MTUS1: variants seen among roughly 807,000 people sequenced by gnomAD.
MTUS1 encodes the protein microtubule-associated tumor suppressor 1.
In MTUS1, 109 loss-of-function variants were observed where a neutral mutation model predicts 120.8. The ratio of observed to expected loss-of-function variants is 0.90; its 90% CI spans 0.77 to 1.06. MTUS1 has a LOEUF of 1.06. MTUS1 is among the 50% of genes least tolerant of loss of function. MTUS1 has a pLI of 0.00. For missense variants in MTUS1, 2,210 were observed against 1,486.3 expected, an observed-to-expected ratio of 1.49 and a Z score of -8.01; for synonymous variants, 737 against 550.5, an observed-to-expected ratio of 1.34 and a Z score of -4.74.
At position 17,755,652 on chromosome 8, in the gene MTUS1, A is replaced by C; in HGVS notation, c.156T>G (p.Asp52Glu). ...SSVNWNSANP[D>E]DMVVDYETDP... is the part of the protein sequence containing the mutation. ...CAGTTTCATAATCAACCACCATGTCATCTGGGTTGGCAGAATTCCAGTTCA... is the reference window on the plus strand; with the variant it reads ...CAGTTTCATAATCAACCACCATGTCCTCTGGGTTGGCAGAATTCCAGTTCA... Residue 52 changes from aspartate to glutamate, a missense_variant, in exon 2 of 15, where the codon GAT becomes GAG. Transcript: ENST00000693296. 6.2e-7 allele frequency: 1 copy of C among 1,614,200 alleles called. No homozygotes were observed. The highest frequency in any genetic ancestry group is 1.1e-5 in the South Asian group (1 of 91,076).
chr8:17,671,803 C>T lies in MTUS1; in HGVS notation c.2905+3383G>A, dbSNP rs931328208. Reference sequence around the variant, plus strand: ...GGGAGAGTGACACCAACTCCCATCGCCCCACCCCCATTATTTTGGAGGGAA... The same window carrying T: ...GGGAGAGTGACACCAACTCCCATCGTCCCACCCCCATTATTTTGGAGGGAA... On this transcript the variant is annotated intron_variant, in intron 8 of 14. Coordinates refer to ENST00000693296, the MANE Select transcript of MTUS1 (RefSeq NM_001363059.2). Among the ~76,000 whole-genome samples the T allele has an allele frequency of 2.6e-5, 4 of 152,070 alleles. No individual in the cohort carries two copies. In the South Asian group the frequency reaches 8.3e-4, roughly 32 times the overall value.
At chr8:17,692,988 G>C (rs1316874856) in intron 6 of MTUS1, among the ~76,000 whole-genome samples, 1 of 152,192 alleles carries the variant, frequency 6.6e-6, no homozygotes, top group African/African-American at 2.4e-5. Flanking sequence ...TAGCTCAGCA[G>C]AAAGAATTCT....
chr8:17,793,682 G>A (rs1022311803), intron 1 of MTUS1, among the ~76,000 whole-genome samples: 8 of 152,106 alleles, frequency 5.3e-5, no homozygotes, highest in African/African-American at 1.9e-4. Flanking sequence ...ATTAAGAGAC[G>A]CCAAAGAGTA....
At position 17,754,938 on chromosome 8, in the gene MTUS1, T is replaced by G; in HGVS notation, c.870A>C (p.Gln290His). 1.7e-5 allele frequency: 28 copies of G among 1,614,154 alleles called. No homozygotes were observed. The highest frequency in any genetic ancestry group is 2.0e-5 in the Non-Finnish European group (24 of 1,179,992). ...QQRLVGEKET[Q>H]ALTPVSDGME... is the part of the protein sequence containing the mutation. ...TGCCATCAGAAACTGGTGTTAGTGC[T>G]TGTGTCTCCTTTTCTCCAACTAGTC... is the stretch of plus-strand genomic sequence containing the variant. The change falls in exon 2 of 15, where the codon CAA becomes CAC. Residue 290 changes from glutamine (Q) to histidine (H), a missense_variant. Physicochemically the swap from Gln to His is conservative, Grantham distance 24. Coordinates refer to ENST00000693296, the MANE Select transcript of MTUS1 (RefSeq NM_001363059.2).
chr8:17,647,094 G>A lies in MTUS1; in HGVS notation c.3502-15C>T, dbSNP rs1015454945. 6.3e-6 allele frequency: 10 copies of A among 1,596,664 alleles called. No homozygotes were observed. The highest frequency in any genetic ancestry group is 1.7e-5 in the Admixed American group (1 of 59,228). On this transcript the variant is annotated splice_polypyrimidine_tract_variant and intron_variant, in intron 13 of 14. Coordinates refer to ENST00000693296, the MANE Select transcript of MTUS1 (RefSeq NM_001363059.2). ...TTGTTGTCCACCTTGGCATAAACAA[G>A]AATTCCAACATTTATACAATATTAA...
chr8:17,787,879 G>C (rs142287378), intron 1 of MTUS1, among the ~76,000 whole-genome samples: 3,327 of 152,286 alleles, frequency 0.022, 62 homozygotes, highest in Non-Finnish European at 0.032. Context: ...CCAGCACTTC[G>C]GGAGGCCGAG....
intron 2 of MTUS1, among the ~76,000 whole-genome samples, chr8:17,747,020 T>C (rs1434015896): frequency 6.6e-6 from 1 of 152,202 alleles, no homozygotes; most frequent in Non-Finnish European, 1.5e-5. Context: ...GTCCACAGGA[T>C]CTTTCTGGTC....
chr8:17,656,178 C>G, intron 8 of MTUS1, 113 bp from the exon 9 acceptor site: 1 of 911,104 alleles, frequency 1.1e-6, no homozygotes. Context: ...CCCATGATGT[C>G]TTGGGTCTCT....
At chr8:17,767,680 T>C (rs6586645) in intron 1 of MTUS1, among the ~76,000 whole-genome samples, 143,750 of 147,218 alleles carry the variant, frequency 0.98, 70,269 homozygotes, top group East Asian at 1. Context: ...GCCTGGGTGA[T>C]AGAGCAAGAC....
chr8:17,778,211 T>C (rs1401397248), intron 1 of MTUS1, among the ~76,000 whole-genome samples: 1 of 152,128 alleles, frequency 6.6e-6, no homozygotes, highest in Non-Finnish European at 1.5e-5. Flanking sequence ...GGTAAACCAT[T>C]GATACACAAA....
At chr8:17,737,584 G>A (rs893076959) in intron 3 of MTUS1, among the ~76,000 whole-genome samples, 1 of 152,148 alleles carries the variant, frequency 6.6e-6, no homozygotes, top group Non-Finnish European at 1.5e-5. Flanking sequence ...AACCACTTGG[G>A]TTCAGTGATC....
In MTUS1 at chr8:17,654,670, TA is replaced by T. The variant is rs1807812723; in HGVS notation, c.3109-5del. On this transcript the variant is annotated splice_polypyrimidine_tract_variant and splice_region_variant and intron_variant, in intron 9 of 14. Transcript: ENST00000693296. ...GCGCAGCATTTAAGTTGTCAAACTG[TA>T]AGCAACAAACAAAACCGTGGTTTAA... 19 of 1,608,554 alleles carry T rather than the reference TA, an allele frequency of 1.2e-5. No homozygotes were observed. The highest frequency in any genetic ancestry group is 1.5e-5 in the Non-Finnish European group (18 of 1,174,914).
chr8:17,747,384 T>C (rs2047844958), intron 2 of MTUS1, among the ~76,000 whole-genome samples: 2 of 152,172 alleles, frequency 1.3e-5, no homozygotes, highest in Non-Finnish European at 2.9e-5. Flanking sequence ...CCACATCTTG[T>C]TCCCCCTCCT....
chr8:17,715,000 G>C (rs1554502310), intron 5 of MTUS1, among the ~76,000 whole-genome samples: 1 of 148,214 alleles, frequency 6.7e-6, no homozygotes, highest in Non-Finnish European at 1.5e-5. Context: ...CTGCCTCCTG[G>C]GTTCAAGCAA....
At chr8:17,737,997 A>G (rs188587316) in intron 3 of MTUS1, among the ~76,000 whole-genome samples, 82 of 152,336 alleles carry the variant, frequency 5.4e-4, no homozygotes, top group African/African-American at 1.9e-3. Context: ...GTTTACATAA[A>G]CCACGAAGGA....
At chr8:17,717,316 G>A (rs1822528633) in intron 4 of MTUS1, among the ~76,000 whole-genome samples, 3 of 152,136 alleles carry the variant, frequency 2.0e-5, no homozygotes, top group Non-Finnish European at 4.4e-5. Context: ...AAGTTGACAG[G>A]AAGCTAATGG....
intron 6 of MTUS1, among the ~76,000 whole-genome samples, chr8:17,698,607 C>T (rs188547568): frequency 1.4e-4 from 22 of 152,134 alleles, no homozygotes; most frequent in Non-Finnish European, 2.5e-4. Flanking sequence ...ATAAATAACA[C>T]TATTAAGTGC....
At chr8:17,764,490 C>G (rs1425334011) in intron 1 of MTUS1, among the ~76,000 whole-genome samples, 2 of 151,942 alleles carry the variant, frequency 1.3e-5, no homozygotes, top group Non-Finnish European at 2.9e-5. Context: ...GCATCCCCTA[C>G]ACACTGAACA....
At chr8:17,683,251 G>A (rs536474915) in intron 7 of MTUS1, among the ~76,000 whole-genome samples, 16 of 152,064 alleles carry the variant, frequency 1.1e-4, no homozygotes, top group Non-Finnish European at 1.6e-4. Context: ...CAGCCTGGGC[G>A]ACAGAGTGAG....
Sources: allele counts gnomAD v4.1 joint callset (sites outside exome capture counted in the v4.1 genomes callset), GRCh38; gene constraint gnomAD v4.1.1; transcripts MANE v1.5; gene names NCBI Gene and HGNC (gene_info 2026-07-23, HGNC 2026-07-21).